Variants in ISG20 observed in about 807,000 individuals in gnomAD.
ISG20 encodes the protein interferon-stimulated gene 20 kDa protein.
In ISG20, 8 loss-of-function variants were observed where a neutral mutation model predicts 11.1. The ratio of observed to expected loss-of-function variants is 0.72; its 90% CI spans 0.42 to 1.30. The LOEUF is 1.30. Ranked by LOEUF, ISG20 falls within the 50% of genes most tolerant of loss-of-function variation. The probability of loss-of-function intolerance (pLI) is 0.01; values close to 1 mark genes in which losing one functional copy is unlikely to be tolerated. For synonymous variants in ISG20, 110 were observed against 101.7 expected (o/e 1.08, Z -0.49); for missense variants, 243 against 250.2 (o/e 0.97, Z 0.19).
intron 2 of ISG20, chr15:88,648,378 C>G (rs1296591362): frequency 1.3e-5 from 2 of 152,180 alleles, no homozygotes; most frequent in African/African-American, 4.8e-5. Context: ...TAGGGCCTGG[C>G]CCTCCTGGAT....
At chr15:88,653,304 G>T (rs900422268) in intron 3 of ISG20, among the ~76,000 whole-genome samples, 33 of 152,158 alleles carry the variant, frequency 2.2e-4, no homozygotes, top group Non-Finnish European at 4.0e-4. Flanking sequence ...GGGCTGGCAG[G>T]GCAGGAGACC....
At chr15:88,645,472 C>T (rs570892637) in intron 2 of ISG20, among the ~76,000 whole-genome samples, 3 of 152,226 alleles carry the variant, frequency 2.0e-5, no homozygotes, top group Non-Finnish European at 2.9e-5. Context: ...GCTGCTCTCT[C>T]CCACTCTGCT....
In ISG20 at chr15:88,639,634, C is replaced by T. The variant is rs549850866; in HGVS notation, c.228+40C>T. ...GGCCAGCAGGGGCTTTGGAAATAACCCCTCTCCCACTTCCCTGGCCCCTCT... is the reference window on the plus strand; with the variant it reads ...GGCCAGCAGGGGCTTTGGAAATAACTCCTCTCCCACTTCCCTGGCCCCTCT... On this transcript the variant is annotated intron_variant, in intron 2 of 3. Coordinates refer to ENST00000306072, the MANE Select transcript of ISG20 (RefSeq NM_002201.6). This position sits in a 1 kb window ranked among gnomAD's most constrained non-coding sequence, Gnocchi z 4.2. The T allele has an allele frequency of 1.3e-6, 2 of 1,504,570 alleles. No homozygotes were observed. Among genetic ancestry groups the T allele is most frequent in the Admixed American group, 1.7e-5 (1 of 59,450 alleles). The allele number at this position is 1,504,570 out of a possible 1,614,324, so 93.2% of individuals were successfully genotyped here.
rs2058366166 is a variant in ISG20 at position 88,655,717 on chromosome 15, T to G, written c.*186T>G. On this transcript the variant is annotated 3_prime_UTR_variant, in exon 4 of 4. Transcript: ENST00000306072. ...ACAGTAGACAGGACCCATTTCTGTG[T>G]GATGTTAGGAGGGAATGAAGTCTTA... The G allele has an allele frequency of 1.9e-6, 1 of 521,934 alleles. No individual in the cohort carries two copies. The highest frequency in any genetic ancestry group is 2.5e-5 in the South Asian group (1 of 40,704). The allele number at this position is 521,934 out of a possible 1,614,324, so 32.3% of individuals were successfully genotyped here.
At chr15:88,638,055 A>T (rs2058013469), upstream of ISG20, among the ~76,000 whole-genome samples, 1 of 152,196 alleles carries the variant, frequency 6.6e-6, no homozygotes, top group Non-Finnish European at 1.5e-5. Context: ...GGGCATCCAA[A>T]TCCCACTTGG....
intron 3 of ISG20, among the ~76,000 whole-genome samples, chr15:88,653,371 A>T (rs1419863844): frequency 6.6e-6 from 1 of 152,008 alleles, no homozygotes; most frequent in African/African-American, 2.4e-5. Context: ...AGGCATACAG[A>T]GTGGGGCCAG....
chr15:88,640,241 G>A (rs1050619821), intron 2 of ISG20, among the ~76,000 whole-genome samples: 1 of 152,184 alleles, frequency 6.6e-6, no homozygotes, highest in Non-Finnish European at 1.5e-5. Context: ...AAGGGCAGGC[G>A]AGCTCGTCAG....
upstream of ISG20, among the ~76,000 whole-genome samples, chr15:88,638,413 C>A (rs2058019392): frequency 6.6e-6 from 1 of 152,210 alleles, no homozygotes; most frequent in Non-Finnish European, 1.5e-5. Flanking sequence ...CGAAGGCCTG[C>A]TTCTCCTTCA....
At position 88,650,471 on chromosome 15, in the gene ISG20, C is replaced by T; in HGVS notation, c.229-1639C>T. 1 of 1,441,984 alleles carries T rather than the reference C, an allele frequency of 6.9e-7. No homozygotes were observed. Among genetic ancestry groups the T allele is most frequent in the South Asian group, 1.4e-5 (1 of 69,072 alleles). 89.3% of individuals were successfully genotyped at this position (1,441,984 alleles called of 1,614,324 possible). On this transcript the variant is annotated intron_variant, in intron 2 of 3. Coordinates refer to ENST00000306072, the MANE Select transcript of ISG20 (RefSeq NM_002201.6). This position sits in a 1 kb window ranked among gnomAD's most constrained non-coding sequence, Gnocchi z 4.0. ...CCACTGGCTTCAAGGCCTGGCTTTG[C>T]CACTAACTAGCCGTGTGACTGTCCC...
chr15:88,636,224 C>G (rs2057982735), upstream of ISG20: 1 of 152,298 alleles, frequency 6.6e-6, no homozygotes. Flanking sequence ...CCCTGAGTGA[C>G]TCACCTACTG....
chr15:88,651,813 T>C (rs529712078), intron 2 of ISG20: 490 of 1,247,750 alleles, frequency 3.9e-4, no homozygotes, highest in African/African-American at 6.7e-4. Context: ...ACATGACGTA[T>C]GTTGAGGCAC....
At chr15:88,649,007 C>G (rs2058227027) in intron 2 of ISG20, 1 of 152,412 alleles carries the variant, frequency 6.6e-6, no homozygotes, top group Non-Finnish European at 1.5e-5. Context: ...CTTTCTCCGA[C>G]TCCTGGGCTC....
chr15:88,656,144 G>C lies in ISG20; in HGVS notation c.*613G>C, dbSNP rs2058371744. 6.6e-6 allele frequency: 1 copy of C among 152,232 alleles called. No individual in the cohort carries two copies. The highest frequency in any genetic ancestry group is 1.5e-5 in the Non-Finnish European group (1 of 68,070). 9.4% of individuals were successfully genotyped at this position (152,232 alleles called of 1,614,324 possible). A position where few individuals can be genotyped will look rare whatever the true frequency, so the allele number is the denominator to read the frequency against. On this transcript the variant is annotated 3_prime_UTR_variant, in exon 4 of 4. Transcript: ENST00000306072. ...CTAAGGTGGTTTACTGAACTTCTCAGTTTCTCCATCTGTAAAATGAGAATT... is the reference window on the plus strand; with the variant it reads ...CTAAGGTGGTTTACTGAACTTCTCACTTTCTCCATCTGTAAAATGAGAATT...
intron 2 of ISG20, chr15:88,651,799 A>G (rs1377081047): frequency 8.4e-7 from 1 of 1,189,930 alleles, no homozygotes; most frequent in Admixed American, 4.1e-5. Flanking sequence ...AAACAACATA[A>G]TATACATGAC....
rs1262426277 is a variant in ISG20, at chr15:88,639,026, A to G, written c.-75A>G. 2 of 409,414 alleles carry G rather than the reference A, an allele frequency of 4.9e-6. No homozygotes were observed. The highest frequency in any genetic ancestry group is 6.3e-5 in the South Asian group (2 of 31,724). 25.4% of individuals were successfully genotyped at this position (409,414 alleles called of 1,614,324 possible). On this transcript the variant is annotated 5_prime_UTR_variant, in exon 1 of 4. Coordinates refer to ENST00000306072, the MANE Select transcript of ISG20 (RefSeq NM_002201.6). The surrounding 1 kb of genome is among the most constrained non-coding windows in gnomAD (Gnocchi z 4.2). Reference sequence around the variant, plus strand: ...CCGCTGAGAGCAGCTGCAGTAGCTGAGCAGTGGCAGCAGAGAGGCAGACGT... The same window carrying G: ...CCGCTGAGAGCAGCTGCAGTAGCTGGGCAGTGGCAGCAGAGAGGCAGACGT...
In ISG20 at chr15:88,650,005, T is replaced by G; in HGVS notation, c.229-2105T>G. The G allele has an allele frequency of 1.9e-6, 1 of 535,704 alleles. No individual in the cohort carries two copies. Among genetic ancestry groups the G allele is most frequent in the Non-Finnish European group, 3.4e-6 (1 of 296,080 alleles). The allele number at this position is 535,704 out of a possible 1,614,324, so 33.2% of individuals were successfully genotyped here. On this transcript the variant is annotated intron_variant, in intron 2 of 3. Coordinates refer to ENST00000306072, the MANE Select transcript of ISG20 (RefSeq NM_002201.6). The surrounding 1 kb of genome is among the most constrained non-coding windows in gnomAD (Gnocchi z 4.0). The stretch of plus-strand genomic sequence containing the variant: ...CTCCTGTGGTTGCCAGGGGAGAACA[T>G]GTAAAAGGGAACACATGATGTTCCA...
Position 88,639,269 on chromosome 15 carries a change from C to A in ISG20, c.-24-74C>A, listed in dbSNP as rs1198584467. ...AGGGCAGGGCGGAGGGTAAGGCCAG[C>A]TGGGGTTGGCTGAGGACACCTGGAG... On this transcript the variant is annotated intron_variant, in intron 1 of 3. Transcript: ENST00000306072. The surrounding 1 kb of genome is among the most constrained non-coding windows in gnomAD (Gnocchi z 4.2). The A allele has an allele frequency of 5.6e-6, 5 of 893,830 alleles. No individual in the cohort carries two copies. Among genetic ancestry groups the A allele is most frequent in the Non-Finnish European group, 8.5e-6 (5 of 589,610 alleles). The allele number at this position is 893,830 out of a possible 1,614,324, so 55.4% of individuals were successfully genotyped here.
chr15:88,648,934 A>G (rs2058225135), intron 2 of ISG20: 1 of 152,072 alleles, frequency 6.6e-6, no homozygotes, highest in Admixed American at 6.5e-5. Flanking sequence ...GCCTCATGAC[A>G]CTGACTCAGG....
chr15:88,655,555 G>T lies in ISG20; in HGVS notation c.*24G>T. The T allele has an allele frequency of 6.4e-7, 1 of 1,557,518 alleles. No individual in the cohort carries two copies. On this transcript the variant is annotated 3_prime_UTR_variant, in exon 4 of 4. Coordinates refer to ENST00000306072, the MANE Select transcript of ISG20 (RefSeq NM_002201.6). ...GAAGCCCCATCCAGCCCGTTCCGCA[G>T]GGACTAGAGGCTTTCGGCTTTTTGG...
Sources: gnomAD v4.1 joint callset for allele counts (sites outside exome capture counted in the v4.1 genomes callset) on GRCh38, gnomAD v4.1.1 for gene constraint, Gnocchi (gnomAD v3.1) non-coding constraint, MANE v1.5 for transcripts, NCBI Gene and HGNC (gene_info 2026-07-23, HGNC 2026-07-21) for gene names.